CPVL: variants seen among roughly 807,000 people sequenced by gnomAD.
The protein encoded by CPVL is probable serine carboxypeptidase CPVL.
In CPVL, 51 loss-of-function variants were observed where a neutral mutation model predicts 63.7. The ratio of observed to expected loss-of-function variants is 0.80; its 90% CI spans 0.64 to 1.01. CPVL has a LOEUF of 1.01. CPVL is among the 50% of genes least tolerant of loss of function. The pLI, the probability that CPVL is intolerant of heterozygous loss-of-function variation, is 0.00. For missense variants in CPVL, 530 were observed against 573.1 expected (o/e 0.92, Z 0.77); for synonymous variants, 195 against 206.0 (o/e 0.95, Z 0.46).
At chr7:29,107,662 A>G (rs1334343175) in intron 3 of CPVL, among the ~76,000 whole-genome samples, 1 of 152,230 alleles carries the variant, frequency 6.6e-6, no homozygotes, top group South Asian at 2.1e-4. Context: ...GGCCCTCTCC[A>G]GATCTGCAGA....
chr7:29,063,895 A>G (rs1207103150), intron 11 of CPVL, among the ~76,000 whole-genome samples, 166 bp downstream of exon 11: 3 of 152,064 alleles, frequency 2.0e-5, no homozygotes, highest in Admixed American at 1.3e-4. Context: ...AAAAGGAACA[A>G]TATAAAACTT....
chr7:29,014,816 G>A (rs1227078983), intron 12 of CPVL, among the ~76,000 whole-genome samples: 1 of 152,146 alleles, frequency 6.6e-6, no homozygotes, highest in Non-Finnish European at 1.5e-5. Context: ...CCATGTCAAT[G>A]TTATCAAGGA....
chr7:29,047,345 A>G (rs974382554), intron 11 of CPVL, among the ~76,000 whole-genome samples: 8 of 152,212 alleles, frequency 5.3e-5, no homozygotes, highest in African/African-American at 1.9e-4. Context: ...AAGAAAAAAC[A>G]TCAAAACTTT....
At chr7:29,013,389 T>C in intron 12 of CPVL, 1 of 151,954 alleles carries the variant, frequency 6.6e-6, no homozygotes, top group South Asian at 2.1e-4. Flanking sequence ...TGATTTATTA[T>C]TCCATGATAA....
intron 1 of CPVL, among the ~76,000 whole-genome samples, chr7:29,134,214 G>T (rs116323513): frequency 0.028 from 4,280 of 152,258 alleles, 162 homozygotes; most frequent in African/African-American, 0.093. Flanking sequence ...AGCCTCTGCA[G>T]GAGACTGAAG....
At chr7:29,163,511 C>T (rs1795485253) in intron 5 of CPVL, among the ~76,000 whole-genome samples, 1 of 152,060 alleles carries the variant, frequency 6.6e-6, no homozygotes, top group Non-Finnish European at 1.5e-5. Flanking sequence ...TGGGCATATG[C>T]ATATGAGCAA....
chr7:29,120,275 A>G (rs188047979), intron 2 of CPVL, among the ~76,000 whole-genome samples: 197 of 152,144 alleles, frequency 1.3e-3, no homozygotes, highest in African/African-American at 4.3e-3. Context: ...TACAAAAATT[A>G]GCTAGGCATG....
intron 11 of CPVL, among the ~76,000 whole-genome samples, chr7:29,033,256 G>A (rs570641321): frequency 2.0e-5 from 3 of 152,100 alleles, no homozygotes; most frequent in Non-Finnish European, 4.4e-5. Context: ...TTACTCTCAT[G>A]AGCCCCTATA....
intron 5 of CPVL, among the ~76,000 whole-genome samples, chr7:29,160,016 C>T (rs1486458257): frequency 6.6e-6 from 1 of 152,176 alleles, no homozygotes; most frequent in Admixed American, 6.5e-5. Context: ...TGTCCATCAG[C>T]ACACAGTGTT....
intron 1 of CPVL, among the ~76,000 whole-genome samples, chr7:29,143,847 G>A (rs2128673546): frequency 6.6e-6 from 1 of 152,320 alleles, no homozygotes; most frequent in East Asian, 1.9e-4. Context: ...CCCAGGGTCT[G>A]AGTTAAAGCA....
At chr7:29,111,036 C>T (rs1788176464) in intron 3 of CPVL, among the ~76,000 whole-genome samples, 1 of 152,240 alleles carries the variant, frequency 6.6e-6, no homozygotes, top group South Asian at 2.1e-4. Context: ...CACAACCCTA[C>T]TGGTCCTTGA....
chr7:29,124,821 A>G (rs958505551), intron 1 of CPVL, among the ~76,000 whole-genome samples: 3 of 152,074 alleles, frequency 2.0e-5, no homozygotes, highest in African/African-American at 7.2e-5. Flanking sequence ...CAAAAATTTT[A>G]TACTCAGAAA....
At chr7:29,162,307 C>T (rs1403196230) in intron 5 of CPVL, among the ~76,000 whole-genome samples, 1 of 152,124 alleles carries the variant, frequency 6.6e-6, no homozygotes, top group Non-Finnish European at 1.5e-5. Flanking sequence ...TAGTAGAATA[C>T]TATTCAGCAA....
At chr7:29,101,479 C>T (rs1787119045) in intron 3 of CPVL, among the ~76,000 whole-genome samples, 1 of 152,122 alleles carries the variant, frequency 6.6e-6, no homozygotes, top group African/African-American at 2.4e-5. Flanking sequence ...CCTGTAGTCC[C>T]AGTTACTTGG....
rs893298330 is a variant in CPVL at position 29,078,450 on chromosome 7, C to T, written c.610-6027G>A. On this transcript the variant is annotated intron_variant, in intron 7 of 12. Transcript: ENST00000265394. ...AGGTGACTCAATGAGATGAATAAAC[C>T]CTTTTGTTTAAAATGGAGACTACAG... is the stretch of plus-strand genomic sequence containing the variant. Among the ~76,000 whole-genome samples, 9 of 152,122 alleles carry T rather than the reference C, an allele frequency of 5.9e-5. No homozygotes were observed. The South Asian group carries it at 8.3e-4, about 14-fold the overall frequency.
At chr7:29,058,525 T>C (rs1790970482) in intron 11 of CPVL, among the ~76,000 whole-genome samples, 1 of 152,142 alleles carries the variant, frequency 6.6e-6, no homozygotes, top group South Asian at 2.1e-4. Flanking sequence ...TTCTGACCTA[T>C]ATCACTTATC....
chr7:29,120,129 T>C (rs781656352), intron 2 of CPVL, among the ~76,000 whole-genome samples: 3 of 152,196 alleles, frequency 2.0e-5, no homozygotes, highest in Non-Finnish European at 2.9e-5. Flanking sequence ...AAGTCATTAA[T>C]ATTTGACATA....
intron 12 of CPVL, among the ~76,000 whole-genome samples, chr7:29,025,550 T>C (rs2128147624): frequency 6.6e-6 from 1 of 152,218 alleles, no homozygotes; most frequent in Admixed American, 6.5e-5. Flanking sequence ...ACATTTCAGC[T>C]TGAGACTTGG....
At chr7:29,094,399 C>T (rs145498871) in intron 5 of CPVL, among the ~76,000 whole-genome samples, 2 of 151,378 alleles carry the variant, frequency 1.3e-5, no homozygotes, top group African/African-American at 2.4e-5. Flanking sequence ...ATATCTATAA[C>T]TCTATGTGAA....
Sources: gnomAD v4.1 joint callset for allele counts (sites outside exome capture counted in the v4.1 genomes callset) on GRCh38, gnomAD v4.1.1 for gene constraint, MANE v1.5 for transcripts, NCBI Gene and HGNC (gene_info 2026-07-23, HGNC 2026-07-21) for gene names.